The following CDH18 variants were observed in gnomAD, a reference collection of about 807,000 sequenced individuals.
CDH18 encodes cadherin-18.
Under a neutral mutation model 67.9 loss-of-function variants are expected in CDH18, and 31 were observed. The ratio of observed to expected loss-of-function variants is 0.46; its 90% CI spans 0.34 to 0.62. CDH18 has a LOEUF of 0.62. CDH18 is among the 20% of genes least tolerant of loss of function. The pLI, the probability that CDH18 is intolerant of heterozygous loss-of-function variation, is 0.01. For synonymous variants in CDH18, 362 were observed against 347.2 expected, an observed-to-expected ratio of 1.04 and a Z score of -0.48; for missense variants, 890 against 975.5, an observed-to-expected ratio of 0.91 and a Z score of 1.17.
At chr5:20,525,850 T>C (rs952627420) in intron 1 of CDH18, among the ~76,000 whole-genome samples, 3 of 151,978 alleles carry the variant, frequency 2.0e-5, no homozygotes, top group African/African-American at 4.8e-5. Context: ...AGGACCTTAA[T>C]TGATTCACTC....
chr5:20,148,780 T>C (rs1006591966), intron 2 of CDH18, among the ~76,000 whole-genome samples: 4 of 152,250 alleles, frequency 2.6e-5, no homozygotes, highest in Admixed American at 1.3e-4. Flanking sequence ...CCTGCATGCA[T>C]TGACTCAAGA....
At chr5:20,369,406 GA>G (rs1196302279) in intron 1 of CDH18, among the ~76,000 whole-genome samples, 1 of 152,150 alleles carries the variant, frequency 6.6e-6, no homozygotes, top group African/African-American at 2.4e-5. Context: ...CAATTAAAAG[GA>G]AAAGGACAAT....
intron 5 of CDH18, among the ~76,000 whole-genome samples, chr5:19,646,345 A>T (rs139708215): frequency 6.6e-6 from 1 of 152,034 alleles, no homozygotes; most frequent in Non-Finnish European, 1.5e-5. Context: ...TATTATTATT[A>T]CTATTTTTGA....
At position 20,272,003 on chromosome 5, in the gene CDH18, A is replaced by G. The variant is rs140704386; in HGVS notation, c.-579-16498T>C. On this transcript the variant is annotated intron_variant, in intron 1 of 14. Coordinates refer to the CDH18 transcript ENST00000507958. ...CTGCACTATTTTTTCAACATTTTGG[A>G]CATTTTTATGAATAAAGAATTAAGG... 2.1e-3 allele frequency among the ~76,000 whole-genome samples: 323 copies of G among 151,958 alleles called. 1 individual carries two copies. The highest frequency in any genetic ancestry group is 7.3e-3 in the African/African-American group (304 of 41,490).
At chr5:20,243,056 T>C (rs1156850286) in intron 2 of CDH18, among the ~76,000 whole-genome samples, 1 of 152,156 alleles carries the variant, frequency 6.6e-6, no homozygotes, top group East Asian at 1.9e-4. Context: ...GATATGTGGG[T>C]TAGCCCTCTT....
intron 4 of CDH18, among the ~76,000 whole-genome samples, chr5:19,728,651 A>T (rs1046480497): frequency 6.6e-6 from 1 of 152,160 alleles, no homozygotes; most frequent in African/African-American, 2.4e-5. Flanking sequence ...GAAATATTTA[A>T]TAAGGCATTT....
At chr5:19,840,357 C>T (rs6870467) in intron 2 of CDH18, among the ~76,000 whole-genome samples, 1,919 of 147,492 alleles carry the variant, frequency 0.013, 36 homozygotes, top group African/African-American at 0.045. Context: ...CAAAGTAAAA[C>T]ACGAAAAACA....
intron 1 of CDH18, among the ~76,000 whole-genome samples, chr5:20,574,782 C>T (rs367938600): frequency 2.1e-4 from 32 of 152,204 alleles, no homozygotes; most frequent in African/African-American, 7.7e-4. Flanking sequence ...ACATGCAAAA[C>T]ATTAATTGAT....
In CDH18 at chr5:20,360,212, AAT is replaced by A. The variant is rs143613427; in HGVS notation, c.-579-104709_-579-104708del. ...CATTAGACTAATAACACAGGCATGA[AAT>A]ATATGAATCCATAACTATCTATTCT... On this transcript the variant is annotated intron_variant, in intron 1 of 14. Coordinates refer to the CDH18 transcript ENST00000507958. Among the ~76,000 whole-genome samples, 253 of 147,646 alleles carry A rather than the reference AAT, an allele frequency of 1.7e-3. 7 individuals are homozygous for A. The East Asian group carries it at 0.046, about 27-fold the overall frequency.
chr5:19,509,874 A>C (rs1744848251), intron 10 of CDH18, among the ~76,000 whole-genome samples: 1 of 152,040 alleles, frequency 6.6e-6, no homozygotes, highest in African/African-American at 2.4e-5. Flanking sequence ...TATTTTTCTC[A>C]GGCAACATAC....
chr5:20,176,073 C>T (rs1737208180), intron 2 of CDH18, among the ~76,000 whole-genome samples: 1 of 152,146 alleles, frequency 6.6e-6, no homozygotes, highest in Admixed American at 6.6e-5. Context: ...ACCCTTTCTC[C>T]CCACCTAGTC....
intron 5 of CDH18, among the ~76,000 whole-genome samples, chr5:19,635,411 C>T (rs964792042): frequency 1.3e-5 from 2 of 152,118 alleles, no homozygotes; most frequent in African/African-American, 4.8e-5. Context: ...CTCTAAAAGT[C>T]ATCTTCTCAT....
At chr5:20,136,785 T>A (rs1301582848) in intron 2 of CDH18, among the ~76,000 whole-genome samples, 1 of 152,168 alleles carries the variant, frequency 6.6e-6, no homozygotes, top group African/African-American at 2.4e-5. Flanking sequence ...GCAGGCCTGG[T>A]GGTGACAAAA....
chr5:19,496,904 G>T (rs1742436292), intron 11 of CDH18, among the ~76,000 whole-genome samples: 1 of 150,088 alleles, frequency 6.7e-6, no homozygotes, highest in Admixed American at 6.6e-5. Flanking sequence ...TCTGTCCAAA[G>T]GTGTCATCTT....
intron 1 of CDH18, among the ~76,000 whole-genome samples, chr5:20,261,899 G>A (rs116721832): frequency 0.015 from 2,213 of 151,664 alleles, 31 homozygotes; most frequent in South Asian, 0.029. Context: ...ATAATCCATC[G>A]CTCCTTGGAA....
chr5:19,973,627 A>G (rs1709555632), intron 2 of CDH18, among the ~76,000 whole-genome samples: 1 of 152,162 alleles, frequency 6.6e-6, no homozygotes, highest in African/African-American at 2.4e-5. Flanking sequence ...ACTTTAGGGA[A>G]AAGGGTTCTG....
intron 2 of CDH18, among the ~76,000 whole-genome samples, chr5:20,131,237 A>C (rs1257301408): frequency 6.6e-6 from 1 of 152,060 alleles, no homozygotes; most frequent in Non-Finnish European, 1.5e-5. Flanking sequence ...AAAAAACAGT[A>C]AATATTGCTC....
chr5:19,763,225 T>C (rs1772604566), intron 3 of CDH18, among the ~76,000 whole-genome samples: 1 of 152,202 alleles, frequency 6.6e-6, no homozygotes, highest in Non-Finnish European at 1.5e-5. Context: ...TGTGCACATG[T>C]ATCCTAGGAC....
intron 2 of CDH18, among the ~76,000 whole-genome samples, chr5:19,844,955 C>T (rs1782755328): frequency 6.6e-6 from 1 of 152,128 alleles, no homozygotes. Flanking sequence ...CCAGAATTGA[C>T]TTCTGGTGTT....
Sources: gnomAD v4.1 joint callset for allele counts (sites outside exome capture counted in the v4.1 genomes callset) on GRCh38, gnomAD v4.1.1 for gene constraint, MANE v1.5 for transcripts, NCBI Gene and HGNC (gene_info 2026-07-23, HGNC 2026-07-21) for gene names.